The following HEXA variants were observed in gnomAD, a reference collection of about 807,000 sequenced individuals.
The protein encoded by HEXA is hexosaminidase subunit alpha, also known as beta-hexosaminidase subunit alpha.
HEXA carries 54 observed loss-of-function variants against 73.3 expected under a neutral mutation model. That is an observed-to-expected ratio of 0.74 (90% CI 0.59 to 0.92). The LOEUF (loss-of-function observed/expected upper bound fraction) is 0.92, where lower values mean the gene tolerates loss of function less well. Among genes scored for constraint, HEXA ranks in the 40% least tolerant of loss-of-function variants. The pLI is 0.00. For synonymous variants in HEXA, 230 were observed against 246.9 expected, an observed-to-expected ratio of 0.93 and a Z score of 0.64; for missense variants, 649 against 653.0, an observed-to-expected ratio of 0.99 and a Z score of 0.07.
Position 72,343,192 on chromosome 15 carries a change from G to C in HEXA, c.*885C>G, listed in dbSNP as rs2088569711. 1 of 152,124 alleles carries C rather than the reference G, an allele frequency of 6.6e-6. No homozygotes were observed. The highest frequency in any genetic ancestry group is 1.5e-5 in the Non-Finnish European group (1 of 68,060). The allele number at this position is 152,124 out of a possible 1,614,324, so 9.4% of individuals were successfully genotyped here. A position where few individuals can be genotyped will look rare whatever the true frequency, so the allele number is the denominator to read the frequency against. ...GTCGAGATCGTGCCACTGCACTCCA[G>C]CCTGTGTGACAGTGAGACTCCGTCT... On this transcript the variant is annotated 3_prime_UTR_variant, in exon 14 of 14. Transcript: ENST00000268097.
chr15:72,349,165 G>A lies in HEXA; in HGVS notation c.900C>T (p.Phe300=). ...TGACTTCTAAGAAGAATGTGCTCAT[G>A]AACTCATAGGTATTATTGAGACTGG... ...VNPSLNNTYE[F]MSTFFLEVSS... The change falls in exon 8 of 14, where the codon TTC becomes TTT. Residue 300 remains phenylalanine, a synonymous_variant. Transcript: ENST00000268097. The A allele has an allele frequency of 2.5e-6, 4 of 1,613,558 alleles. No individual in the cohort carries two copies. The highest frequency in any genetic ancestry group is 3.4e-6 in the Non-Finnish European group (4 of 1,179,462).
intron 1 of HEXA, among the ~76,000 whole-genome samples, chr15:72,374,590 A>G (rs1020910691): frequency 2.6e-5 from 4 of 152,210 alleles, no homozygotes; most frequent in African/African-American, 7.2e-5. Context: ...TCCCACCCCC[A>G]TAACATCTAT....
At chr15:72,361,889 AT>A (rs1044129320) in intron 1 of HEXA, among the ~76,000 whole-genome samples, 9 of 152,194 alleles carry the variant, frequency 5.9e-5, no homozygotes, top group African/African-American at 1.7e-4. Flanking sequence ...CTGGATGACT[AT>A]AAAAAATCTC....
chr15:72,368,098 A>C (rs553229360), intron 1 of HEXA, among the ~76,000 whole-genome samples: 1 of 152,346 alleles, frequency 6.6e-6, no homozygotes, highest in South Asian at 2.1e-4. Flanking sequence ...CTTAATAAAT[A>C]CTACCTGTAC....
At position 72,346,569 on chromosome 15, in the gene HEXA, C is replaced by T. The variant is rs2088617050; in HGVS notation, c.1288G>A (p.Asp430Asn). The change falls in exon 11 of 14, where the codon GAC becomes AAC. Residue 430 changes from aspartate to asparagine, a missense_variant. Transcript: ENST00000268097. ...WYLNRISYGP[D>N]WKDFYIVEPL... ...TCCACTATGTAGAAATCCTTCCAGT[C>T]AGGGCCATAGGATATACGGTTCAGG... is the stretch of plus-strand genomic sequence containing the variant. The T allele has an allele frequency of 6.2e-6, 10 of 1,614,094 alleles. No homozygotes were observed. Among genetic ancestry groups the T allele is most frequent in the Non-Finnish European group, 8.5e-6 (10 of 1,179,982 alleles).
chr15:72,348,591 CA>C (rs1451427523), intron 8 of HEXA, among the ~76,000 whole-genome samples: 1 of 152,190 alleles, frequency 6.6e-6, no homozygotes, highest in Non-Finnish European at 1.5e-5. Flanking sequence ...CTCACATCTC[CA>C]AAAAGCCAAA....
intron 3 of HEXA, chr15:72,354,644 A>C (rs1334530012): frequency 6.6e-6 from 1 of 152,366 alleles, no homozygotes; most frequent in Non-Finnish European, 1.5e-5. Context: ...CAGCACCTGC[A>C]TGAAAGGTAC....
intron 3 of HEXA, chr15:72,355,078 C>A (rs1690848612): frequency 5.0e-6 from 1 of 200,890 alleles, no homozygotes; most frequent in Admixed American, 5.3e-5. Context: ...CTGTCCCCTG[C>A]TGGCACCTAG....
Position 72,345,443 on chromosome 15 carries a change from T to C in HEXA, c.1526+3A>G, listed in dbSNP as rs1404671279. On this transcript the variant is annotated splice_donor_region_variant and intron_variant, in intron 13 of 13. Coordinates refer to ENST00000268097, the MANE Select transcript of HEXA (RefSeq NM_000520.6). Reference sequence around the variant, plus strand: ...CCTTGCGAAGGCCCCACAGCTTGCTTACCTCAGCAATTCACAGCGGAAGTG... The same window carrying C: ...CCTTGCGAAGGCCCCACAGCTTGCTCACCTCAGCAATTCACAGCGGAAGTG... The C allele has an allele frequency of 6.2e-7, 1 of 1,614,184 alleles. No individual in the cohort carries two copies. The highest frequency in any genetic ancestry group is 2.2e-5 in the East Asian group (1 of 44,892).
chr15:72,356,058 T>C (rs1326165007), intron 2 of HEXA: 10 of 425,756 alleles, frequency 2.3e-5, no homozygotes, highest in Admixed American at 5.5e-5. Context: ...CTTCAGCTAC[T>C]TCCTCCAAGA....
At chr15:72,361,646 T>G in intron 1 of HEXA, among the ~76,000 whole-genome samples, 1 of 152,056 alleles carries the variant, frequency 6.6e-6, no homozygotes, top group Non-Finnish European at 1.5e-5. Context: ...ATACCAGAAA[T>G]CTCCTTCTTC....
chr15:72,375,637 G>A, intron 1 of HEXA, 83 bp downstream of exon 1: 2 of 1,515,524 alleles, frequency 1.3e-6, no homozygotes, highest in African/African-American at 1.4e-5. Flanking sequence ...AAAGCCCATA[G>A]GGCGTCTCTG....
chr15:72,351,290 A>C, intron 5 of HEXA, 56 bp from the exon 6 acceptor site: 2 of 1,230,098 alleles, frequency 1.6e-6, no homozygotes, highest in Non-Finnish European at 2.4e-6. Flanking sequence ...TTTCAGCCTC[A>C]AACTTGCGAT....
chr15:72,349,358 G>T, intron 7 of HEXA, 99 bp from the exon 8 acceptor site: 1 of 959,206 alleles, frequency 1.0e-6, no homozygotes, highest in South Asian at 1.3e-5. Context: ...CAAGACAAGT[G>T]TATTCATAAA....
intron 1 of HEXA, among the ~76,000 whole-genome samples, chr15:72,363,753 T>C (rs2088881711): frequency 6.6e-6 from 1 of 152,166 alleles, no homozygotes; most frequent in Non-Finnish European, 1.5e-5. Context: ...TGGGTAAAAG[T>C]TGTACCCATC....
chr15:72,353,204 T>A (rs780593404), intron 4 of HEXA, 26 bp from the exon 5 acceptor site: 1 of 1,401,942 alleles, frequency 7.1e-7, no homozygotes, highest in Non-Finnish European at 1.0e-6. Flanking sequence ...ATTGAACATG[T>A]CAGTTTCAAA....
At position 72,342,573 on chromosome 15, in the gene HEXA, A is replaced by C. The variant is rs2088563450; in HGVS notation, c.*1504T>G. 2 of 152,234 alleles carry C rather than the reference A, an allele frequency of 1.3e-5. No homozygotes were observed. 9.4% of individuals were successfully genotyped at this position (152,234 alleles called of 1,614,324 possible). A position where few individuals can be genotyped will look rare whatever the true frequency, so the allele number is the denominator to read the frequency against. ...CTCTGGCTTACAGTATCACTTCTGC[A>C]TCTGAAACCAGGAGGGGGCAGTCTG... On this transcript the variant is annotated 3_prime_UTR_variant, in exon 14 of 14. Coordinates refer to ENST00000268097, the MANE Select transcript of HEXA (RefSeq NM_000520.6).
chr15:72,360,739 C>A (rs1036547075), intron 1 of HEXA, among the ~76,000 whole-genome samples: 4 of 152,182 alleles, frequency 2.6e-5, no homozygotes, highest in African/African-American at 9.7e-5. Context: ...GATCTGGATT[C>A]AAATCTTGGT....
At chr15:72,359,432 G>A (rs1279577648) in intron 1 of HEXA, 2 of 151,882 alleles carry the variant, frequency 1.3e-5, no homozygotes, top group Non-Finnish European at 2.9e-5. Context: ...CGGTGGCTCA[G>A]GTCCATGATC....
Sources: allele counts gnomAD v4.1 joint callset (sites outside exome capture counted in the v4.1 genomes callset), GRCh38; gene constraint gnomAD v4.1.1; transcripts MANE v1.5; gene names NCBI Gene and HGNC (gene_info 2026-07-23, HGNC 2026-07-21).